Variants in NYAP2 observed in about 807,000 individuals in gnomAD.
NYAP2 encodes neuronal tyrosine-phosphorylated phosphoinositide-3-kinase adaptor 2, also known as neuronal tyrosine-phosphorylated phosphoinositide-3-kinase adapter 2.
In NYAP2, 23 loss-of-function variants were observed where a neutral mutation model predicts 50.4. The observed-to-expected ratio is 0.46, with a 90% CI of 0.33 to 0.65. The LOEUF is 0.65. Among genes scored for constraint, NYAP2 ranks in the 30% least tolerant of loss-of-function variants. The pLI, the probability that NYAP2 is intolerant of heterozygous loss-of-function variation, is 0.02. For synonymous variants in NYAP2, 394 were observed against 365.2 expected (o/e 1.08, Z -0.90); for missense variants, 885 against 861.0 (o/e 1.03, Z -0.35).
intron 4 of NYAP2, among the ~76,000 whole-genome samples, chr2:225,566,498 C>T (rs1023940224): frequency 2.0e-5 from 3 of 152,194 alleles, no homozygotes; most frequent in African/African-American, 7.2e-5. Flanking sequence ...ATTTTTCTCC[C>T]AACTTACTTT....
chr2:225,599,287 C>T (rs1238337883), intron 5 of NYAP2, among the ~76,000 whole-genome samples: 2 of 152,166 alleles, frequency 1.3e-5, no homozygotes, highest in Non-Finnish European at 1.5e-5. Context: ...AAAGCACTCA[C>T]TTGCATTCAA....
At chr2:225,629,799 C>T (rs1693277128) in intron 6 of NYAP2, among the ~76,000 whole-genome samples, 1 of 152,172 alleles carries the variant, frequency 6.6e-6, no homozygotes. Flanking sequence ...ACCTCAAGAA[C>T]AGCAGCAAGC....
Position 225,582,274 on chromosome 2 carries a change from A to C in NYAP2, c.857A>C (p.Asp286Ala). 6.2e-7 allele frequency: 1 copy of C among 1,614,022 alleles called. No homozygotes were observed. Among genetic ancestry groups the C allele is most frequent in the Non-Finnish European group, 8.5e-7 (1 of 1,179,886 alleles). Residue 286 changes from aspartate to alanine, a missense_variant, in exon 5 of 7, where the codon GAC (aspartate) becomes GCC (alanine). Physicochemically the swap from Asp to Ala is moderately radical, Grantham distance 126 (BLOSUM62 -2). Coordinates refer to ENST00000636099, the Ensembl canonical transcript of NYAP2. The surrounding 1 kb of genome is among the most constrained non-coding windows in gnomAD (Gnocchi z 7.0). ...GACTTGGGCCAAGACGCCAAATGTG[A>C]CTTCGACCATCACAGCTGTTCTTCG...
intron 6 of NYAP2, among the ~76,000 whole-genome samples, chr2:225,641,697 C>T (rs2106266353): frequency 6.6e-6 from 1 of 152,154 alleles, no homozygotes; most frequent in South Asian, 2.1e-4. Flanking sequence ...CCTGTAATCC[C>T]AGCTACTCAG....
At chr2:225,446,952 G>T (rs1257916845) in intron 3 of NYAP2, among the ~76,000 whole-genome samples, 1 of 152,018 alleles carries the variant, frequency 6.6e-6, no homozygotes, top group Non-Finnish European at 1.5e-5. Context: ...TGAAGACAAA[G>T]CAGACAGTGT....
At chr2:225,543,265 T>C (rs1042049073) in intron 4 of NYAP2, among the ~76,000 whole-genome samples, 1 of 151,998 alleles carries the variant, frequency 6.6e-6, no homozygotes, top group African/African-American at 2.4e-5. Flanking sequence ...ATTCCTTCTC[T>C]GATCTTTATT....
At chr2:225,609,329 G>A (rs1306761419) in intron 5 of NYAP2, among the ~76,000 whole-genome samples, 1 of 152,092 alleles carries the variant, frequency 6.6e-6, no homozygotes, top group South Asian at 2.1e-4. Context: ...TGATTATGAG[G>A]CCTTTTGTAA....
chr2:225,489,402 T>C (rs1690365284), intron 3 of NYAP2, among the ~76,000 whole-genome samples: 1 of 152,110 alleles, frequency 6.6e-6, no homozygotes, highest in Non-Finnish European at 1.5e-5. Flanking sequence ...TTCACCATGT[T>C]GGCCAGGGTG....
chr2:225,498,711 G>T (rs560972985), intron 3 of NYAP2, among the ~76,000 whole-genome samples: 2 of 152,234 alleles, frequency 1.3e-5, no homozygotes, highest in African/African-American at 4.8e-5. Flanking sequence ...GGGAATAGAT[G>T]TGAAATCTAG....
chr2:225,458,506 G>A (rs529835416), intron 3 of NYAP2, among the ~76,000 whole-genome samples: 32 of 152,226 alleles, frequency 2.1e-4, no homozygotes, highest in East Asian at 1.9e-3. Flanking sequence ...ATAGACTATA[G>A]CACAGGCTTA....
intron 3 of NYAP2, among the ~76,000 whole-genome samples, chr2:225,430,979 A>G (rs1021497580): frequency 1.3e-5 from 2 of 152,234 alleles, no homozygotes; most frequent in African/African-American, 2.4e-5. Context: ...GAAAATGTAC[A>G]TTCAGAGAGA....
intron 5 of NYAP2, among the ~76,000 whole-genome samples, chr2:225,607,697 G>A (rs1692812531): frequency 7.6e-5 from 1 of 13,200 alleles, no homozygotes; most frequent in African/African-American, 1.0e-3. Flanking sequence ...TTTATCAGTT[G>A]TTTATCAAAA....
chr2:225,657,939 C>T (rs760093972), downstream of NYAP2, among the ~76,000 whole-genome samples: 2 of 152,232 alleles, frequency 1.3e-5, no homozygotes, highest in Non-Finnish European at 2.9e-5. Context: ...GGCCCCTTCT[C>T]TATAATGTGC....
intron 6 of NYAP2, among the ~76,000 whole-genome samples, chr2:225,642,992 T>C (rs1480281813): frequency 6.6e-6 from 1 of 152,024 alleles, no homozygotes; most frequent in Non-Finnish European, 1.5e-5. Context: ...AAAAAACAAA[T>C]ACACAGACAA....
intron 4 of NYAP2, among the ~76,000 whole-genome samples, chr2:225,525,618 C>T (rs144071214): frequency 6.6e-6 from 1 of 152,062 alleles, no homozygotes; most frequent in East Asian, 1.9e-4. Flanking sequence ...ATTGGAGACT[C>T]CAAGAGGTAG....
intron 3 of NYAP2, among the ~76,000 whole-genome samples, chr2:225,424,102 A>T (rs910160024): frequency 3.3e-5 from 5 of 152,308 alleles, no homozygotes; most frequent in Non-Finnish European, 4.4e-5. Flanking sequence ...GTTTACATTC[A>T]TATCTAAACT....
intron 3 of NYAP2, among the ~76,000 whole-genome samples, chr2:225,430,716 T>G (rs1039403511): frequency 2.0e-4 from 1 of 5,112 alleles, no homozygotes; most frequent in Non-Finnish European, 4.6e-4. Context: ...TAGAATGCTA[T>G]TTTTTTTTTA....
chr2:225,642,022 TATC>T (rs1193681399), intron 6 of NYAP2, among the ~76,000 whole-genome samples: 2 of 151,610 alleles, frequency 1.3e-5, no homozygotes, highest in African/African-American at 4.9e-5. Flanking sequence ...AAGGATCAGT[TATC>T]ATGTTACTCA....
At chr2:225,612,899 T>A (rs1289689364) in intron 5 of NYAP2, among the ~76,000 whole-genome samples, 1 of 52,268 alleles carries the variant, frequency 1.9e-5, no homozygotes, top group Non-Finnish European at 5.0e-5. Flanking sequence ...GGGGTGTGGC[T>A]CACATATTCA....
Sources: gnomAD v4.1 joint callset for allele counts (sites outside exome capture counted in the v4.1 genomes callset) on GRCh38, gnomAD v4.1.1 for gene constraint, Gnocchi (gnomAD v3.1) non-coding constraint, MANE v1.5 for transcripts, NCBI Gene and HGNC (gene_info 2026-07-23, HGNC 2026-07-21) for gene names.